The following CSNK2A2IP variants were observed in gnomAD, a reference collection of about 807,000 sequenced individuals.
CSNK2A2IP encodes casein kinase 2 subunit alpha' interacting protein, also known as casein kinase II subunit alpha'-interacting protein.
chr3:88,426,251 A>G, the CSNK2A2IP span, among the ~76,000 whole-genome samples: 1 of 152,204 alleles, frequency 6.6e-6, no homozygotes, highest in Admixed American at 6.5e-5. Context: ...TTTATTAAAT[A>G]TTGCCTTAAT....
chr3:88,449,856 T>C, the CSNK2A2IP span, among the ~76,000 whole-genome samples: 18,953 of 71,302 alleles, frequency 0.27, 2,618 homozygotes, highest in East Asian at 0.6. Flanking sequence ...CACACACACA[T>C]ATATATATAT....
At chr3:88,371,936 G>A in the CSNK2A2IP span, among the ~76,000 whole-genome samples, 2,847 of 151,638 alleles carry the variant, frequency 0.019, 81 homozygotes, top group African/African-American at 0.063. Flanking sequence ...ATGACAAAAA[G>A]ATTAACTGAG....
the CSNK2A2IP span, among the ~76,000 whole-genome samples, chr3:88,438,308 G>A: frequency 7.9e-5 from 12 of 152,264 alleles, no homozygotes; most frequent in African/African-American, 2.9e-4. Flanking sequence ...ACTTTGAACT[G>A]TAGGACGCTG....
chr3:88,374,718 T>C, the CSNK2A2IP span, among the ~76,000 whole-genome samples: 3 of 151,732 alleles, frequency 2.0e-5, no homozygotes, highest in Non-Finnish European at 4.4e-5. Flanking sequence ...ACAAGTTACT[T>C]TGCTTTAAAT....
the CSNK2A2IP span, among the ~76,000 whole-genome samples, chr3:88,453,410 A>T: frequency 6.6e-6 from 1 of 152,250 alleles, no homozygotes; most frequent in East Asian, 1.9e-4. Flanking sequence ...GCATATTCTG[A>T]GTATTAAGTT....
the CSNK2A2IP span, among the ~76,000 whole-genome samples, chr3:88,408,970 AG>A: frequency 2.6e-5 from 4 of 152,054 alleles, no homozygotes; most frequent in Non-Finnish European, 2.9e-5. Context: ...ACCATTGAAA[AG>A]GGGCCCAGGA....
chr3:88,342,600 C>G, the CSNK2A2IP span, among the ~76,000 whole-genome samples: 4 of 151,528 alleles, frequency 2.6e-5, no homozygotes, highest in Non-Finnish European at 5.9e-5. Flanking sequence ...TGTAATTCAG[C>G]TGAAGTTTTC....
the CSNK2A2IP span, chr3:88,466,665 C>A: frequency 8.2e-7 from 1 of 1,218,408 alleles, no homozygotes; most frequent in Non-Finnish European, 1.0e-6. Flanking sequence ...ATAAAATTGT[C>A]AATTCTATCT....
chr3:88,456,829 G>A, the CSNK2A2IP span, among the ~76,000 whole-genome samples: 1 of 151,760 alleles, frequency 6.6e-6, no homozygotes. Flanking sequence ...CTACCTTTAT[G>A]CTAATACTAG....
the CSNK2A2IP span, chr3:88,338,579 T>A: frequency 6.6e-6 from 1 of 152,120 alleles, no homozygotes; most frequent in African/African-American, 2.4e-5. Context: ...GAAAATTAAA[T>A]GAAGACCCAG....
chr3:88,467,493 G>T, the CSNK2A2IP span: 1 of 398,564 alleles, frequency 2.5e-6, no homozygotes, highest in South Asian at 1.3e-4. Flanking sequence ...CAAAGCCTGT[G>T]AGGAACAACA....
the CSNK2A2IP span, among the ~76,000 whole-genome samples, chr3:88,453,591 C>T: frequency 6.6e-6 from 1 of 152,002 alleles, no homozygotes; most frequent in Admixed American, 6.6e-5. Flanking sequence ...CTTGGAAGGT[C>T]CACCTATTTT....
At chr3:88,345,159 C>T in the CSNK2A2IP span, among the ~76,000 whole-genome samples, 3 of 152,000 alleles carry the variant, frequency 2.0e-5, no homozygotes, top group Admixed American at 2.0e-4. Context: ...TCTCCAAGTT[C>T]TCACTGCTTA....
chr3:88,362,684 A>G, the CSNK2A2IP span, among the ~76,000 whole-genome samples: 1 of 152,160 alleles, frequency 6.6e-6, no homozygotes, highest in Admixed American at 6.5e-5. Context: ...AGTAAATCCT[A>G]CTGGGGCTGG....
At chr3:88,442,437 A>C in the CSNK2A2IP span, among the ~76,000 whole-genome samples, 1 of 152,170 alleles carries the variant, frequency 6.6e-6, no homozygotes, top group Admixed American at 6.6e-5. Context: ...ATAGACAAGA[A>C]GATACAAACA....
chr3:88,389,854 A>AT, the CSNK2A2IP span, among the ~76,000 whole-genome samples: 3 of 148,926 alleles, frequency 2.0e-5, no homozygotes, highest in African/African-American at 5.0e-5. Flanking sequence ...TTGGGGAGGC[A>AT]TTTTTTTTCT....
At chr3:88,339,115 T>C in the CSNK2A2IP span, among the ~76,000 whole-genome samples, 1 of 152,112 alleles carries the variant, frequency 6.6e-6, no homozygotes, top group East Asian at 1.9e-4. Context: ...TAGTGTTAAC[T>C]ATAGTCATTC....
the CSNK2A2IP span, among the ~76,000 whole-genome samples, chr3:88,436,264 C>A: frequency 1.3e-5 from 2 of 151,910 alleles, no homozygotes; most frequent in Non-Finnish European, 2.9e-5. Flanking sequence ...AAAGGTTAAT[C>A]AATTTTTTTG....
At chr3:88,361,953 T>C in the CSNK2A2IP span, among the ~76,000 whole-genome samples, 1 of 152,090 alleles carries the variant, frequency 6.6e-6, no homozygotes, top group Non-Finnish European at 1.5e-5. Context: ...ATTATTTCAA[T>C]CTCTGTTTTA....
Sources: allele counts gnomAD v4.1 joint callset (sites outside exome capture counted in the v4.1 genomes callset), GRCh38; gene constraint gnomAD v4.1.1; transcripts MANE v1.5; gene names NCBI Gene and HGNC (gene_info 2026-07-23, HGNC 2026-07-21).